SGK1: variants seen among roughly 807,000 people sequenced by gnomAD.
SGK1 encodes the protein serine/threonine-protein kinase Sgk1.
In SGK1, 26 loss-of-function variants were observed where a neutral mutation model predicts 64.2. The ratio of observed to expected loss-of-function variants is 0.40; its 90% CI spans 0.30 to 0.56. The LOEUF is 0.56. SGK1 is among the 20% of genes least tolerant of loss of function. The pLI is 0.38. For missense variants in SGK1, 519 were observed against 645.6 expected (o/e 0.80, Z 2.12); for synonymous variants, 265 against 239.7 (o/e 1.11, Z -0.98).
chr6:134,227,069 G>A (rs1334462059), intron 2 of SGK1, among the ~76,000 whole-genome samples: 2 of 152,108 alleles, frequency 1.3e-5, no homozygotes, highest in East Asian at 3.9e-4. Context: ...CCAGCTTAGT[G>A]GTAGTCTTAG....
At chr6:134,264,195 C>T (rs1177906240) in intron 1 of SGK1, among the ~76,000 whole-genome samples, 1 of 151,634 alleles carries the variant, frequency 6.6e-6, no homozygotes, top group African/African-American at 2.4e-5. Context: ...TCTCAGCTCA[C>T]TGCAAGCTCT....
chr6:134,203,880 G>A (rs1056570956), intron 3 of SGK1, among the ~76,000 whole-genome samples: 6 of 151,936 alleles, frequency 3.9e-5, no homozygotes, highest in South Asian at 4.2e-4. Context: ...CCTGAACAAC[G>A]TGGCAAAACC....
intron 2 of SGK1, chr6:134,249,571 C>A (rs1776575795): frequency 2.6e-5 from 4 of 152,016 alleles, no homozygotes; most frequent in Admixed American, 2.6e-4. Context: ...TCTCTATCTC[C>A]CCCTCTTCTA....
intron 3 of SGK1, among the ~76,000 whole-genome samples, chr6:134,179,013 CTA>C (rs1378269289): frequency 6.6e-6 from 1 of 151,994 alleles, no homozygotes; most frequent in Non-Finnish European, 1.5e-5. Context: ...ATTTGTCACT[CTA>C]TAGTCTGATG....
chr6:134,289,086 T>C (rs1452492922), intron 1 of SGK1, among the ~76,000 whole-genome samples: 1 of 152,218 alleles, frequency 6.6e-6, no homozygotes, highest in Non-Finnish European at 1.5e-5. Flanking sequence ...GTTCTTGTTT[T>C]GGAAATAGAG....
At chr6:134,222,600 T>C (rs780160776) in intron 2 of SGK1, among the ~76,000 whole-genome samples, 13 of 152,008 alleles carry the variant, frequency 8.6e-5, no homozygotes, top group African/African-American at 1.2e-4. Flanking sequence ...CCTCGCAAAG[T>C]GCTGGGATTA....
chr6:134,317,554 T>C lies in SGK1; in HGVS notation c.-94A>G. The stretch of plus-strand genomic sequence containing the variant: ...CCCCGGTTTACCTCCTGCAGACAGT[T>C]AATGAAGACTGAGCGGGATGGAGAA... On this transcript the variant is annotated 5_prime_UTR_variant, in exon 1 of 14. Coordinates refer to ENST00000367858, the MANE Select transcript of SGK1 (RefSeq NM_001143676.3). 1.2e-6 allele frequency: 1 copy of C among 801,108 alleles called. No individual in the cohort carries two copies. Among genetic ancestry groups the C allele is most frequent in the Admixed American group, 1.7e-5 (1 of 57,174 alleles). The allele number at this position is 801,108 out of a possible 1,614,324, so 49.6% of individuals were successfully genotyped here.
intron 3 of SGK1, among the ~76,000 whole-genome samples, chr6:134,190,097 G>A (rs1411191199): frequency 2.0e-5 from 3 of 152,060 alleles, no homozygotes; most frequent in African/African-American, 4.8e-5. Context: ...TGATCGGCCC[G>A]CCTTGGCCTC....
At chr6:134,175,592 T>G (rs1775207658) in intron 3 of SGK1, 1 of 1,570,684 alleles carries the variant, frequency 6.4e-7, no homozygotes, top group Non-Finnish European at 8.6e-7. Flanking sequence ...GCCTCGGCCC[T>G]CTTTTTGTGG....
chr6:134,251,930 A>C (rs1247894461), intron 2 of SGK1, among the ~76,000 whole-genome samples: 1 of 151,826 alleles, frequency 6.6e-6, no homozygotes, highest in Non-Finnish European at 1.5e-5. Flanking sequence ...AATTTTTAAA[A>C]TTTTCTGTAG....
intron 2 of SGK1, among the ~76,000 whole-genome samples, chr6:134,247,270 A>G (rs1463999968): frequency 1.3e-5 from 2 of 152,186 alleles, no homozygotes; most frequent in East Asian, 3.9e-4. Context: ...CAGAGGGGGA[A>G]AATCCCTCTT....
intron 1 of SGK1, among the ~76,000 whole-genome samples, chr6:134,282,925 CT>C (rs751952005): frequency 8.6e-5 from 13 of 151,690 alleles, no homozygotes; most frequent in Non-Finnish European, 1.5e-5. Flanking sequence ...AGAGATCACA[CT>C]AGAAAGATAG....
rs545821765 is a variant in SGK1, at chr6:134,282,457, G to A, written c.70-20309C>T. ...ACTTGAGGTCAGGAGTTCGAGACCA[G>A]CCTGGCCAACATGGTGAAACCCCCT... On this transcript the variant is annotated intron_variant, in intron 1 of 13. Coordinates refer to ENST00000367858, the MANE Select transcript of SGK1 (RefSeq NM_001143676.3). Among the ~76,000 whole-genome samples, 8 of 152,196 alleles carry A rather than the reference G, an allele frequency of 5.3e-5. No homozygotes were observed. In the South Asian group the frequency reaches 1.7e-3, roughly 32 times the overall value.
At chr6:134,198,724 C>CTTTTTTTTTTTTTT (rs1459010325) in intron 3 of SGK1, among the ~76,000 whole-genome samples, 25 of 65,828 alleles carry the variant, frequency 3.8e-4, no homozygotes, top group African/African-American at 4.6e-4. Context: ...TTCTCTTTTT[C>CTTTTTTTTTTTTTT]TATTTTTTTT....
intron 1 of SGK1, among the ~76,000 whole-genome samples, chr6:134,280,057 TA>T (rs1582760422): frequency 6.6e-6 from 1 of 151,676 alleles, no homozygotes; most frequent in East Asian, 1.9e-4. Flanking sequence ...TAGCTGAGAA[TA>T]GTGATGCACA....
intron 3 of SGK1, among the ~76,000 whole-genome samples, chr6:134,193,258 A>G (rs2114667824): frequency 6.6e-6 from 1 of 152,372 alleles, no homozygotes; most frequent in Middle Eastern, 3.4e-3. Context: ...AGTCCTCACT[A>G]AAAATGGTAG....
At chr6:134,254,225 C>T (rs990316440) in intron 2 of SGK1, among the ~76,000 whole-genome samples, 4 of 151,578 alleles carry the variant, frequency 2.6e-5, no homozygotes, top group African/African-American at 7.3e-5. Context: ...TGCAAGGTCC[C>T]GGGAGGAGAT....
intron 2 of SGK1, among the ~76,000 whole-genome samples, chr6:134,238,725 A>G (rs1285355878): frequency 6.6e-6 from 1 of 152,182 alleles, no homozygotes; most frequent in Non-Finnish European, 1.5e-5. Flanking sequence ...TGTGGAACAC[A>G]TTAAAGTAAA....
At chr6:134,204,965 CTTTCTT>C (rs1775746219) in intron 3 of SGK1, among the ~76,000 whole-genome samples, 1 of 113,208 alleles carries the variant, frequency 8.8e-6, no homozygotes, top group South Asian at 2.9e-4. Context: ...TTCTTTCTTT[CTTTCTT>C]TTTCTTTCTT....
Sources: allele counts gnomAD v4.1 joint callset (sites outside exome capture counted in the v4.1 genomes callset), GRCh38; gene constraint gnomAD v4.1.1; transcripts MANE v1.5; gene names NCBI Gene and HGNC (gene_info 2026-07-23, HGNC 2026-07-21).